PRMT2: variants seen among roughly 807,000 people sequenced by gnomAD.
PRMT2 encodes the protein protein arginine N-methyltransferase 2.
A neutral mutation model predicts 57.6 loss-of-function variants in PRMT2; 26 were observed. That is an observed-to-expected ratio of 0.45 (90% CI 0.33 to 0.63). The LOEUF is 0.63. PRMT2 is among the 20% of genes least tolerant of loss of function. The pLI, the probability that PRMT2 is intolerant of heterozygous loss-of-function variation, is 0.02. For synonymous variants in PRMT2, 219 were observed against 220.0 expected, an observed-to-expected ratio of 1.00 and a Z score of 0.04; for missense variants, 472 against 564.4, an observed-to-expected ratio of 0.84 and a Z score of 1.66.
Position 46,648,406 on chromosome 21 carries a change from T to A in PRMT2, c.328-52T>A, listed in dbSNP as rs2061396474. ...CTGACCCTCCATCTCAGTCCAGACC[T>A]CAGCATGGCTCTAGGTCACAGGCAG... is the stretch of plus-strand genomic sequence containing the variant. On this transcript the variant is annotated intron_variant, in intron 5 of 11. Transcript: ENST00000355680. This position sits in a 1 kb window ranked among gnomAD's most constrained non-coding sequence, Gnocchi z 4.8. 3 of 1,596,684 alleles carry A rather than the reference T, an allele frequency of 1.9e-6. No homozygotes were observed. Among genetic ancestry groups the A allele is most frequent in the Non-Finnish European group, 2.6e-6 (3 of 1,169,134 alleles).
In PRMT2 at chr21:46,648,914, C is replaced by T. The variant is rs1440476347; in HGVS notation, c.489+295C>T. 6.6e-6 allele frequency among the ~76,000 whole-genome samples: 1 copy of T among 152,160 alleles called. No individual in the cohort carries two copies. The highest frequency in any genetic ancestry group is 1.5e-5 in the Non-Finnish European group (1 of 68,034). ...GTGGGGCGGGGTATGTTCTGTGAGA[C>T]GTTTATTTCAGTTGAGTAGAGAAAC... On this transcript the variant is annotated intron_variant, in intron 6 of 11. Coordinates refer to ENST00000355680, the MANE Select transcript of PRMT2 (RefSeq NM_206962.4). The surrounding 1 kb of genome is among the most constrained non-coding windows in gnomAD (Gnocchi z 4.8).
At chr21:46,661,722 C>T (rs1176310857) in intron 9 of PRMT2, 78 bp from the exon 10 acceptor site, 8 of 1,242,930 alleles carry the variant, frequency 6.4e-6, no homozygotes, top group Non-Finnish European at 8.1e-6. Context: ...GCGCGGGGCG[C>T]GTGGAGGGGG....
At chr21:46,655,370 A>G (rs796076785) in intron 7 of PRMT2, among the ~76,000 whole-genome samples, 7 of 152,326 alleles carry the variant, frequency 4.6e-5, no homozygotes, top group African/African-American at 1.4e-4. Context: ...ATAACAAAAA[A>G]AGAAACTATC....
intron 8 of PRMT2, 146 bp from the exon 9 acceptor site, chr21:46,660,687 C>A: frequency 9.8e-7 from 1 of 1,024,362 alleles, no homozygotes; most frequent in Non-Finnish European, 1.4e-6. Flanking sequence ...GGCCTGAGGG[C>A]TGCTCTGGGG....
At chr21:46,637,084 C>A in intron 3 of PRMT2, 94 bp downstream of exon 3, 2 of 1,393,688 alleles carry the variant, frequency 1.4e-6, no homozygotes, top group Non-Finnish European at 2.0e-6. Flanking sequence ...TGGAGCTTGG[C>A]TTGTGCCTTG....
intron 3 of PRMT2, among the ~76,000 whole-genome samples, chr21:46,641,601 C>T (rs557183711): frequency 1.6e-4 from 24 of 151,704 alleles, no homozygotes; most frequent in East Asian, 7.8e-4. Context: ...CTGAGGCATG[C>T]GAATTGCTTG....
chr21:46,656,371 A>G (rs1487974742), intron 7 of PRMT2, among the ~76,000 whole-genome samples: 1 of 152,226 alleles, frequency 6.6e-6, no homozygotes, highest in Non-Finnish European at 1.5e-5. Context: ...TGGCAACACA[A>G]AAATGGACTA....
intron 7 of PRMT2, chr21:46,653,817 C>G: frequency 9.5e-7 from 1 of 1,056,064 alleles, no homozygotes; most frequent in Non-Finnish European, 1.1e-6. Context: ...CCACCACATG[C>G]TTGAAGGACC....
At chr21:46,664,121 T>C (rs1201426811) in intron 11 of PRMT2, among the ~76,000 whole-genome samples, 174 bp from the exon 12 acceptor site, 1 of 152,220 alleles carries the variant, frequency 6.6e-6, no homozygotes, top group Non-Finnish European at 1.5e-5. Flanking sequence ...TCCTTCATTT[T>C]TTATATTTGT....
chr21:46,642,671 G>GT (rs1601919902), intron 3 of PRMT2, among the ~76,000 whole-genome samples: 1 of 152,206 alleles, frequency 6.6e-6, no homozygotes, highest in East Asian at 1.9e-4. Context: ...TTGAACTGGA[G>GT]TGTGTGATCT....
chr21:46,660,941 C>T lies in PRMT2; in HGVS notation c.939C>T (p.Thr313=), dbSNP rs376719955. The T allele has an allele frequency of 1.9e-6, 3 of 1,612,662 alleles. No homozygotes were observed. The highest frequency in any genetic ancestry group is 1.3e-5 in the African/African-American group (1 of 74,826). The part of the protein sequence containing the change: ...PCTILQLDMR[T]VQISDLETLR... ...CTATATTGCAGTTGGACATGAGAAC[C>T]GTGCAAATTTCTGATCTAGAGGTGA... is the stretch of plus-strand genomic sequence containing the variant. Residue 313 remains threonine, a synonymous_variant, in exon 9 of 12, where the codon ACC becomes ACT. Coordinates refer to ENST00000355680, the MANE Select transcript of PRMT2 (RefSeq NM_206962.4).
At chr21:46,642,955 C>T (rs1054041326) in intron 3 of PRMT2, among the ~76,000 whole-genome samples, 3 of 151,118 alleles carry the variant, frequency 2.0e-5, no homozygotes, top group African/African-American at 4.9e-5. Context: ...ACCTGGGAGG[C>T]GGCAGAGGTT....
At chr21:46,652,739 G>T (rs1230933667) in intron 7 of PRMT2, 8 of 1,129,814 alleles carry the variant, frequency 7.1e-6, no homozygotes, top group Non-Finnish European at 8.9e-6. Flanking sequence ...TTCTGAAGGA[G>T]ACGCAAGTAA....
chr21:46,659,683 C>T, intron 8 of PRMT2: 1 of 985,366 alleles, frequency 1.0e-6, no homozygotes, highest in Non-Finnish European at 1.2e-6. Context: ...GGTGTGGCTG[C>T]CAGGGCCTTA....
At chr21:46,662,222 C>T (rs895394035) in intron 10 of PRMT2, among the ~76,000 whole-genome samples, 14 of 152,194 alleles carry the variant, frequency 9.2e-5, no homozygotes, top group South Asian at 6.2e-4. Context: ...TCTTCCACCC[C>T]GCGAGGAGCA....
At chr21:46,636,857 TA>T in intron 2 of PRMT2, 38 bp from the exon 3 acceptor site, 4 of 1,261,416 alleles carry the variant, frequency 3.2e-6, no homozygotes, top group Non-Finnish European at 4.4e-6. Context: ...TTAAGCAATG[TA>T]ACAAGTACTT....
At chr21:46,653,910 A>C in intron 7 of PRMT2, 1 of 1,012,150 alleles carries the variant, frequency 9.9e-7, no homozygotes, top group Non-Finnish European at 1.2e-6. Flanking sequence ...ACTGGGACAA[A>C]AAATGACAGC....
intron 7 of PRMT2, chr21:46,652,339 C>T: frequency 8.6e-7 from 1 of 1,160,648 alleles, no homozygotes; most frequent in Non-Finnish European, 1.1e-6. Context: ...TACATTAGCA[C>T]AGCTAAAAAC....
intron 9 of PRMT2, chr21:46,661,502 G>C: frequency 4.2e-6 from 1 of 240,114 alleles, no homozygotes; most frequent in Non-Finnish European, 7.9e-6. Flanking sequence ...TTCTGCTGTG[G>C]AAAGGCCCAG....
Sources: gnomAD v4.1 joint callset for allele counts (sites outside exome capture counted in the v4.1 genomes callset) on GRCh38, gnomAD v4.1.1 for gene constraint, Gnocchi (gnomAD v3.1) non-coding constraint, MANE v1.5 for transcripts, NCBI Gene and HGNC (gene_info 2026-07-23, HGNC 2026-07-21) for gene names.